Variants in FBXW7 observed in about 807,000 individuals in gnomAD.
The protein encoded by FBXW7 is F-box and WD repeat domain containing 7.
A neutral mutation model predicts 86.3 loss-of-function variants in FBXW7; 11 were observed. The ratio of observed to expected loss-of-function variants is 0.13; its 90% CI spans 0.08 to 0.21. FBXW7 has a LOEUF of 0.21. Among genes scored for constraint, FBXW7 ranks in the 10% least tolerant of loss-of-function variants. The pLI is 1.00. For synonymous variants in FBXW7, 313 were observed against 297.9 expected, an observed-to-expected ratio of 1.05 and a Z score of -0.52; for missense variants, 488 against 847.4, an observed-to-expected ratio of 0.58 and a Z score of 5.27.
In FBXW7 at chr4:152,324,446, A is replaced by G. The variant is rs375373188; in HGVS notation, c.1645-52T>C. ...AGAAGTATGGATACTCTTCCTATCAATTACTGACCTTAATCCTAGTAGGAA... is the reference window on the plus strand; with the variant it reads ...AGAAGTATGGATACTCTTCCTATCAGTTACTGACCTTAATCCTAGTAGGAA... On this transcript the variant is annotated intron_variant, in intron 12 of 13. Coordinates refer to ENST00000281708, the MANE Select transcript of FBXW7 (RefSeq NM_001349798.2). The G allele has an allele frequency of 3.3e-4, 463 of 1,399,528 alleles. 3 individuals carry two copies. Among genetic ancestry groups the G allele is most frequent in the South Asian group, 4.6e-4 (37 of 79,872 alleles). The allele number at this position is 1,399,528 out of a possible 1,614,324, so 86.7% of individuals were successfully genotyped here. A position where few individuals can be genotyped will look rare whatever the true frequency, so the allele number is the denominator to read the frequency against.
At chr4:152,404,835 G>A (rs1418352819) in intron 4 of FBXW7, among the ~76,000 whole-genome samples, 1 of 152,118 alleles carries the variant, frequency 6.6e-6, no homozygotes, top group Non-Finnish European at 1.5e-5. Flanking sequence ...GCTCATACCT[G>A]TAATCCCAGC....
At chr4:152,508,140 G>T (rs567762647) in intron 2 of FBXW7, among the ~76,000 whole-genome samples, 2 of 151,716 alleles carry the variant, frequency 1.3e-5, no homozygotes, top group Non-Finnish European at 2.9e-5. Flanking sequence ...GAACCTCCTT[G>T]AAGAGGCTTC....
At chr4:152,466,797 C>A (rs1049851371) in intron 2 of FBXW7, among the ~76,000 whole-genome samples, 4 of 151,202 alleles carry the variant, frequency 2.6e-5, no homozygotes, top group African/African-American at 9.7e-5. Context: ...AAAAAATTAG[C>A]CAGGCGCGGT....
At chr4:152,441,665 A>C (rs1740904383) in intron 2 of FBXW7, among the ~76,000 whole-genome samples, 1 of 152,220 alleles carries the variant, frequency 6.6e-6, no homozygotes, top group Non-Finnish European at 1.5e-5. Context: ...AATTATTTCC[A>C]ATCTTTATTT....
intron 4 of FBXW7, among the ~76,000 whole-genome samples, chr4:152,354,537 T>C (rs1026950764): frequency 2.0e-5 from 3 of 152,136 alleles, no homozygotes; most frequent in African/African-American, 7.2e-5. Context: ...AGTGCTATAA[T>C]AGTATATACT....
At chr4:152,326,574 G>A (rs546490627) in intron 11 of FBXW7, among the ~76,000 whole-genome samples, 219 of 151,998 alleles carry the variant, frequency 1.4e-3, no homozygotes, top group African/African-American at 4.9e-3. Flanking sequence ...TATACAATAA[G>A]ATTTTGATTT....
chr4:152,454,195 G>A (rs547345674), intron 2 of FBXW7, among the ~76,000 whole-genome samples: 80 of 147,714 alleles, frequency 5.4e-4, no homozygotes, highest in Non-Finnish European at 3.1e-4. Context: ...ACTACCCTTT[G>A]TATATAACTA....
At position 152,329,788 on chromosome 4, in the gene FBXW7, A is replaced by G. The variant is rs757351274; in HGVS notation, c.1123-3T>C. The G allele has an allele frequency of 1.3e-6, 2 of 1,508,244 alleles. No individual in the cohort carries two copies. The highest frequency in any genetic ancestry group is 1.4e-5 in the African/African-American group (1 of 69,896). 93.4% of individuals were successfully genotyped at this position (1,508,244 alleles called of 1,614,324 possible). ...TGATCATCATGTCCTTTCAGCACCT[A>G]TAAGAAAGATGTGCAGATTAGAAAT... On this transcript the variant is annotated splice_region_variant and splice_polypyrimidine_tract_variant and intron_variant, in intron 9 of 13. Transcript: ENST00000281708.
Position 152,535,226 on chromosome 4 carries a change from T to A in FBXW7, c.-312A>T, listed in dbSNP as rs919892424. On this transcript the variant is annotated 5_prime_UTR_variant, in exon 1 of 14. Coordinates refer to ENST00000281708, the MANE Select transcript of FBXW7 (RefSeq NM_001349798.2). ...CAGGTTTGGGAGACTCCGGATTTTG[T>A]TTTTGTAAAGTTTCCTCTGGGTGGA... 11 of 186,926 alleles carry A rather than the reference T, an allele frequency of 5.9e-5. No individual in the cohort carries two copies. The highest frequency in any genetic ancestry group is 2.6e-4 in the African/African-American group (11 of 42,850). The allele number at this position is 186,926 out of a possible 1,614,324, so 11.6% of individuals were successfully genotyped here.
intron 4 of FBXW7, among the ~76,000 whole-genome samples, chr4:152,363,495 G>C (rs1733176903): frequency 6.6e-6 from 1 of 152,122 alleles, no homozygotes; most frequent in Non-Finnish European, 1.5e-5. Context: ...CTAGAAAGAG[G>C]AAGAGATAAT....
intron 2 of FBXW7, among the ~76,000 whole-genome samples, chr4:152,511,285 GC>G (rs1038119783): frequency 2.7e-5 from 4 of 146,722 alleles, no homozygotes; most frequent in African/African-American, 5.0e-5. Flanking sequence ...TCCTGACACA[GC>G]CCCCCGCCCC....
At chr4:152,500,156 G>A (rs1746785895) in intron 2 of FBXW7, among the ~76,000 whole-genome samples, 1 of 152,310 alleles carries the variant, frequency 6.6e-6, no homozygotes. Context: ...CCTCTTAGTA[G>A]AGAATACTGG....
At chr4:152,419,383 AAAC>A (rs914863586) in intron 2 of FBXW7, among the ~76,000 whole-genome samples, 7 of 152,062 alleles carry the variant, frequency 4.6e-5, no homozygotes, top group Admixed American at 3.9e-4. Flanking sequence ...AAAGTGATTT[AAAC>A]ATCATTTTCA....
At chr4:152,419,050 G>A (rs528392596) in intron 2 of FBXW7, among the ~76,000 whole-genome samples, 4 of 151,996 alleles carry the variant, frequency 2.6e-5, no homozygotes, top group Non-Finnish European at 4.4e-5. Context: ...CCATATCACC[G>A]AGTAAAGTTT....
intron 4 of FBXW7, among the ~76,000 whole-genome samples, chr4:152,360,693 G>A (rs1384436431): frequency 1.3e-5 from 2 of 151,986 alleles, no homozygotes; most frequent in African/African-American, 4.8e-5. Context: ...CTATGGAAGG[G>A]TGACTGTAAA....
intron 4 of FBXW7, among the ~76,000 whole-genome samples, chr4:152,387,699 A>G (rs1735652085): frequency 7.4e-6 from 1 of 135,174 alleles, no homozygotes; most frequent in African/African-American, 2.7e-5. Context: ...GAAAAAAAAC[A>G]TGGCATACCT....
intron 2 of FBXW7, among the ~76,000 whole-genome samples, chr4:152,492,041 G>A (rs959219227): frequency 2.0e-5 from 3 of 152,090 alleles, no homozygotes; most frequent in Non-Finnish European, 4.4e-5. Flanking sequence ...CCTCCCAGTT[G>A]AATATCACCA....
chr4:152,338,750 G>A (rs1730415456), intron 6 of FBXW7, among the ~76,000 whole-genome samples: 1 of 152,084 alleles, frequency 6.6e-6, no homozygotes, highest in South Asian at 2.1e-4. Context: ...AATTCAAAAT[G>A]TTACAATTTC....
chr4:152,529,651 G>A (rs963345110), intron 2 of FBXW7, among the ~76,000 whole-genome samples: 4 of 152,110 alleles, frequency 2.6e-5, no homozygotes, highest in Admixed American at 6.5e-5. Flanking sequence ...CAACACATGT[G>A]AGAAAGATTC....
Sources: gnomAD v4.1 joint callset for allele counts (sites outside exome capture counted in the v4.1 genomes callset) on GRCh38, gnomAD v4.1.1 for gene constraint, MANE v1.5 for transcripts, NCBI Gene and HGNC (gene_info 2026-07-23, HGNC 2026-07-21) for gene names.